The following OCIAD2 variants were observed in gnomAD, a reference collection of about 807,000 sequenced individuals.
OCIAD2 encodes the protein OCIA domain-containing protein 2.
OCIAD2 carries 29 observed loss-of-function variants against 22.9 expected under a neutral mutation model. That is an observed-to-expected ratio of 1.27 (90% confidence interval 0.94 to 1.73). The LOEUF is 1.73. OCIAD2 is among the 40% of genes most tolerant of loss of function. The pLI is 0.00. For synonymous variants in OCIAD2, 67 were observed against 60.2 expected, an observed-to-expected ratio of 1.11 and a Z score of -0.52; for missense variants, 189 against 180.3, an observed-to-expected ratio of 1.05 and a Z score of -0.28.
chr4:48,895,180 T>G (rs1241382892), intron 4 of OCIAD2, among the ~76,000 whole-genome samples: 6 of 152,194 alleles, frequency 3.9e-5, no homozygotes, highest in African/African-American at 1.4e-4. Flanking sequence ...CGCCTTGATT[T>G]TAGCCCAGTG....
Position 48,885,549 on chromosome 4 carries a change from A to G in OCIAD2, c.400T>C (p.Cys134Arg). 2 of 1,606,220 alleles carry G rather than the reference A, an allele frequency of 1.2e-6. No homozygotes were observed. Among genetic ancestry groups the G allele is most frequent in the Non-Finnish European group, 1.7e-6 (2 of 1,172,812 alleles). Residue 134 changes from cysteine (C) to arginine (R), a missense_variant, in exon 7 of 7, where the codon TGT becomes CGT. Coordinates refer to ENST00000508632, the MANE Select transcript of OCIAD2 (RefSeq NM_001014446.3). ...PQHNRHCLLT[C>R]EECKIKHGLS... ...CCATGCTTTATTTTGCATTCCTCAC[A>G]GGTAAGGAGGCAGTGCCTAGAAGAG...
intron 6 of OCIAD2, among the ~76,000 whole-genome samples, chr4:48,889,949 C>G (rs1354185390): frequency 6.6e-6 from 1 of 152,096 alleles, no homozygotes; most frequent in Non-Finnish European, 1.5e-5. Context: ...AGCTCATGTC[C>G]TTTGCAGGGA....
chr4:48,888,342 T>C (rs911336883), intron 6 of OCIAD2, among the ~76,000 whole-genome samples: 2 of 152,208 alleles, frequency 1.3e-5, no homozygotes, highest in African/African-American at 2.4e-5. Context: ...TTCTCCTGCC[T>C]GATTGCTCTG....
chr4:48,889,822 C>T (rs1244860297), intron 6 of OCIAD2, among the ~76,000 whole-genome samples: 4 of 152,154 alleles, frequency 2.6e-5, no homozygotes, highest in African/African-American at 9.7e-5. Context: ...TTTATTGTGG[C>T]ACTATTCACA....
intron 6 of OCIAD2, among the ~76,000 whole-genome samples, chr4:48,886,360 C>T (rs1227205974): frequency 6.6e-6 from 1 of 152,190 alleles, no homozygotes; most frequent in East Asian, 1.9e-4. Context: ...AATTATTACA[C>T]TTTAAGTTTT....
chr4:48,901,904 A>G (rs2109683360), intron 2 of OCIAD2, among the ~76,000 whole-genome samples: 1 of 152,094 alleles, frequency 6.6e-6, no homozygotes, highest in Admixed American at 6.6e-5. Flanking sequence ...CATCATGCCC[A>G]GCTAATTGAA....
chr4:48,889,128 A>T (rs945824615), intron 6 of OCIAD2, among the ~76,000 whole-genome samples: 6 of 152,138 alleles, frequency 3.9e-5, no homozygotes, highest in African/African-American at 1.4e-4. Context: ...ATTTGCATAG[A>T]GGTGTTTATA....
rs1780949249 is a variant in OCIAD2, at chr4:48,885,308, C to G, written c.*176G>C. The G allele has an allele frequency of 8.4e-6, 3 of 358,856 alleles. No individual in the cohort carries two copies. The highest frequency in any genetic ancestry group is 4.3e-5 in the African/African-American group (1 of 23,238). 22.2% of individuals were successfully genotyped at this position (358,856 alleles called of 1,614,324 possible). ...CATGCCCCGACATGTTCTTAAAGAGCAGAAAAACATGTAACGCTTAGTTCA... is the reference window on the plus strand; with the variant it reads ...CATGCCCCGACATGTTCTTAAAGAGGAGAAAAACATGTAACGCTTAGTTCA... On this transcript the variant is annotated 3_prime_UTR_variant, in exon 7 of 7. Coordinates refer to ENST00000508632, the MANE Select transcript of OCIAD2 (RefSeq NM_001014446.3).
At chr4:48,892,295 G>T (rs1781195133) in intron 6 of OCIAD2, among the ~76,000 whole-genome samples, 1 of 152,136 alleles carries the variant, frequency 6.6e-6, no homozygotes, top group African/African-American at 2.4e-5. Flanking sequence ...AACTTGCAGG[G>T]TCACACAACT....
chr4:48,895,859 C>T (rs1781290965), intron 4 of OCIAD2, among the ~76,000 whole-genome samples: 1 of 152,054 alleles, frequency 6.6e-6, no homozygotes, highest in Non-Finnish European at 1.5e-5. Context: ...TGGTGAAACC[C>T]TGTCTCTACT....
intron 6 of OCIAD2, among the ~76,000 whole-genome samples, chr4:48,889,414 GA>G (rs941383797): frequency 6.6e-6 from 1 of 151,908 alleles, no homozygotes; most frequent in Non-Finnish European, 1.5e-5. Context: ...AAATTTACAA[GA>G]AAAAAACAAC....
intron 2 of OCIAD2, among the ~76,000 whole-genome samples, chr4:48,901,894 C>T (rs1405519732): frequency 6.6e-6 from 1 of 152,052 alleles, no homozygotes; most frequent in Non-Finnish European, 1.5e-5. Flanking sequence ...AGGTGCACAC[C>T]ATCATGCCCA....
At chr4:48,894,094 AAATT>A in intron 4 of OCIAD2, 41 bp from the exon 5 acceptor site, 3 of 1,026,016 alleles carry the variant, frequency 2.9e-6, no homozygotes, top group Non-Finnish European at 4.1e-6. Flanking sequence ...TTCATTTCAT[AAATT>A]AAATTATAAG....
At position 48,885,318 on chromosome 4, in the gene OCIAD2, T is replaced by C; in HGVS notation, c.*166A>G. ...CATGTTCTTAAAGAGCAGAAAAACA[T>C]GTAACGCTTAGTTCACTTGAAAGCC... On this transcript the variant is annotated 3_prime_UTR_variant, in exon 7 of 7. Coordinates refer to ENST00000508632, the MANE Select transcript of OCIAD2 (RefSeq NM_001014446.3). 2.3e-6 allele frequency: 1 copy of C among 434,020 alleles called. No homozygotes were observed. The highest frequency in any genetic ancestry group is 2.9e-5 in the South Asian group (1 of 33,940). 26.9% of individuals were successfully genotyped at this position (434,020 alleles called of 1,614,324 possible).
intron 6 of OCIAD2, among the ~76,000 whole-genome samples, chr4:48,891,943 AAGAG>A (rs1314850872): frequency 2.6e-5 from 4 of 152,208 alleles, no homozygotes; most frequent in Middle Eastern, 3.2e-3. Context: ...GCTCATCAGA[AAGAG>A]ACAGTATTAA....
intron 4 of OCIAD2, among the ~76,000 whole-genome samples, chr4:48,896,598 C>G (rs1781305489): frequency 6.6e-6 from 1 of 151,870 alleles, no homozygotes; most frequent in Admixed American, 6.6e-5. Context: ...AACAAACGAA[C>G]CAAAAACCAA....
At position 48,890,015 on chromosome 4, in the gene OCIAD2, C is replaced by T. The variant is rs552115961; in HGVS notation, c.383+2757G>A. 2.0e-4 allele frequency among the ~76,000 whole-genome samples: 30 copies of T among 149,106 alleles called. 1 individual carries two copies. The South Asian group carries it at 6.1e-3, about 30-fold the overall frequency. On this transcript the variant is annotated intron_variant, in intron 6 of 6. Transcript: ENST00000508632. Reference sequence around the variant, plus strand: ...GCAAACTATTGCAAGGAGAAGAAACCAAACACCGCATGTTCTCACTCATAG... The same window carrying T: ...GCAAACTATTGCAAGGAGAAGAAACTAAACACCGCATGTTCTCACTCATAG...
At chr4:48,888,547 G>T (rs1010584475) in intron 6 of OCIAD2, among the ~76,000 whole-genome samples, 18 of 152,106 alleles carry the variant, frequency 1.2e-4, no homozygotes, top group Non-Finnish European at 2.4e-4. Flanking sequence ...TAGCATGAAG[G>T]GCTATTGGAT....
chr4:48,887,599 T>C (rs1454094647), intron 6 of OCIAD2, among the ~76,000 whole-genome samples: 3 of 152,222 alleles, frequency 2.0e-5, no homozygotes, highest in African/African-American at 7.2e-5. Flanking sequence ...TAGGGAATCC[T>C]TTCCCCATTT....
Sources: gnomAD v4.1 joint callset for allele counts (sites outside exome capture counted in the v4.1 genomes callset) on GRCh38, gnomAD v4.1.1 for gene constraint, MANE v1.5 for transcripts, NCBI Gene and HGNC (gene_info 2026-07-23, HGNC 2026-07-21) for gene names.